Variants in IL1RAPL1 observed in about 807,000 individuals in gnomAD.
The protein encoded by IL1RAPL1 is interleukin-1 receptor accessory protein-like 1.
In IL1RAPL1, 3 loss-of-function variants were observed where a neutral mutation model predicts 48.4. That is an observed-to-expected ratio of 0.06 (90% CI 0.03 to 0.16). IL1RAPL1 has a LOEUF of 0.16. Among genes scored for constraint, IL1RAPL1 ranks in the 10% least tolerant of loss-of-function variants. IL1RAPL1 has a pLI of 1.00. For synonymous variants in IL1RAPL1, 185 were observed against 187.7 expected, an observed-to-expected ratio of 0.99 and a Z score of 0.12; for missense variants, 349 against 530.6, an observed-to-expected ratio of 0.66 and a Z score of 3.36.
At chrX:29,156,899 G>C (rs1032490179) in intron 2 of IL1RAPL1, among the ~76,000 whole-genome samples, 195 of 111,863 alleles carry the variant, frequency 1.7e-3, no homozygotes, top group African/African-American at 5.5e-3. Context: ...GAAGGGTTTT[G>C]ATAGCCTTTT....
intron 2 of IL1RAPL1, among the ~76,000 whole-genome samples, chrX:28,843,839 C>T (rs1411547898): frequency 5.4e-5 from 6 of 110,838 alleles, no homozygotes; most frequent in Admixed American, 1.9e-4. Flanking sequence ...CAGAGCAGTG[C>T]GTTTGTAAGG....
At chrX:29,047,896 T>G (rs1602028897) in intron 2 of IL1RAPL1, among the ~76,000 whole-genome samples, 1 of 110,700 alleles carries the variant, frequency 9.0e-6, no homozygotes, top group Non-Finnish European at 1.9e-5. Flanking sequence ...AATTGGGCAC[T>G]TCCCCCCCTA....
intron 3 of IL1RAPL1, among the ~76,000 whole-genome samples, chrX:29,376,612 A>G (rs1352263928): frequency 9.0e-6 from 1 of 110,811 alleles, no homozygotes. Context: ...GGCTCAAACA[A>G]TCCACCCACT....
intron 5 of IL1RAPL1, among the ~76,000 whole-genome samples, chrX:29,625,598 G>A (rs1924595365): frequency 9.0e-6 from 1 of 111,515 alleles, no homozygotes. Context: ...TTTGCCGGTA[G>A]GACTGGTGCC....
rs865803776 is a variant in IL1RAPL1, at chrX:28,831,048, G to C, written c.82+41623G>C. 9.7e-3 allele frequency among the ~76,000 whole-genome samples: 802 copies of C among 83,080 alleles called. 12 individuals are homozygous for C. The highest frequency in any genetic ancestry group is 0.052 in the East Asian group (100 of 1,913). The allele number at this position is 83,080 out of a possible 115,157, so 72.1% of individuals were successfully genotyped here. ...TCTCTGTGTGTGTGTGTGTGTGTGTGTGTGTGTGTGTGTGTGTGTGTGTGT... is the reference window on the plus strand; with the variant it reads ...TCTCTGTGTGTGTGTGTGTGTGTGTCTGTGTGTGTGTGTGTGTGTGTGTGT... On this transcript the variant is annotated intron_variant, in intron 2 of 10. Transcript: ENST00000378993.
Position 29,449,405 on chromosome X carries a change from G to C in IL1RAPL1, c.703+50097G>C, listed in dbSNP as rs934268959. Among the ~76,000 whole-genome samples, 5 of 110,834 alleles carry C rather than the reference G, an allele frequency of 4.5e-5. No individual in the cohort carries two copies. The East Asian group carries it at 1.1e-3, about 25-fold the overall frequency. ...ATGAGAGAGTGAAGAGGCAGGGAGA[G>C]AGAGCATAAGCAATAATAACAGAAG... is the stretch of plus-strand genomic sequence containing the variant. On this transcript the variant is annotated intron_variant, in intron 5 of 10. Transcript: ENST00000378993.
chrX:29,246,357 A>G (rs1931513971), intron 2 of IL1RAPL1, among the ~76,000 whole-genome samples: 1 of 109,519 alleles, frequency 9.1e-6, no homozygotes, highest in African/African-American at 3.3e-5. Context: ...GGTCACAGTG[A>G]TGAGGTACAG....
chrX:29,423,631 G>A, intron 5 of IL1RAPL1, among the ~76,000 whole-genome samples: 1 of 111,752 alleles, frequency 8.9e-6, no homozygotes, highest in Non-Finnish European at 1.9e-5. Context: ...TCCCTGGTTA[G>A]TTTCAGTCAT....
rs35208878 is a variant in IL1RAPL1, at chrX:29,426,998, TAAAAAA to T, written c.703+27701_703+27706del. On this transcript the variant is annotated intron_variant, in intron 5 of 10. Coordinates refer to ENST00000378993, the MANE Select transcript of IL1RAPL1 (RefSeq NM_014271.4). ...GATAATTGGATTTTAAAAACCTTTT[TAAAAAA>T]AAAAAAAAAAGATTTGCATATTATT... Among the ~76,000 whole-genome samples, 315 of 103,971 alleles carry T rather than the reference TAAAAAA, an allele frequency of 3.0e-3. 1 individual carries two copies. The highest frequency in any genetic ancestry group is 0.01 in the African/African-American group (294 of 29,359). 90.3% of individuals were successfully genotyped at this position (103,971 alleles called of 115,157 possible). A position where few individuals can be genotyped will look rare whatever the true frequency, so the allele number is the denominator to read the frequency against.
At chrX:29,818,236 A>G (rs1474152641) in intron 6 of IL1RAPL1, among the ~76,000 whole-genome samples, 3 of 112,536 alleles carry the variant, frequency 2.7e-5, no homozygotes, top group Non-Finnish European at 1.9e-5. Context: ...GTGGAAAAAA[A>G]TGCAGAGGGC....
chrX:29,484,168 A>G (rs938347468), intron 5 of IL1RAPL1, among the ~76,000 whole-genome samples: 1 of 112,023 alleles, frequency 8.9e-6, no homozygotes, highest in African/African-American at 3.3e-5. Flanking sequence ...ATAACAAAAT[A>G]CCACAGACAG....
In IL1RAPL1 at chrX:28,729,304, T is replaced by C. The variant is rs766790582; in HGVS notation, c.-24-60016T>C. Among the ~76,000 whole-genome samples the C allele has an allele frequency of 3.6e-5, 4 of 111,366 alleles. No individual in the cohort carries two copies. In the East Asian group the frequency reaches 1.1e-3, roughly 32 times the overall value. On this transcript the variant is annotated intron_variant, in intron 1 of 10. Transcript: ENST00000378993. ...GTACAAATTTAATAGCTTTTCTAGGTAGGACTCCAGAATTAGTGCATGAAG... is the reference window on the plus strand; with the variant it reads ...GTACAAATTTAATAGCTTTTCTAGGCAGGACTCCAGAATTAGTGCATGAAG...
chrX:29,229,503 TA>T lies in IL1RAPL1; in HGVS notation c.83-53432del, dbSNP rs773459981. On this transcript the variant is annotated intron_variant, in intron 2 of 10. Transcript: ENST00000378993. Reference sequence around the variant, plus strand: ...TCTATCTCAAATGTATTTCTACCACTAAAGTTGCTATACCACTTTATGGAAA... The same window carrying T: ...TCTATCTCAAATGTATTTCTACCACTAAGTTGCTATACCACTTTATGGAAA... 4.5e-5 allele frequency among the ~76,000 whole-genome samples: 5 copies of T among 112,273 alleles called. No homozygotes were observed. In the East Asian group the frequency reaches 1.4e-3, roughly 31 times the overall value.
At chrX:29,916,424 A>G (rs953374031) in intron 6 of IL1RAPL1, among the ~76,000 whole-genome samples, 1 of 111,638 alleles carries the variant, frequency 9.0e-6, no homozygotes, top group African/African-American at 3.3e-5. Context: ...TTAAGTATCT[A>G]TGGCTACCAC....
At chrX:29,672,307 G>C (rs1411914767) in intron 6 of IL1RAPL1, among the ~76,000 whole-genome samples, 1 of 111,668 alleles carries the variant, frequency 9.0e-6, no homozygotes, top group African/African-American at 3.3e-5. Flanking sequence ...CAGAGAAGTT[G>C]TATAAACTCC....
intron 1 of IL1RAPL1, among the ~76,000 whole-genome samples, chrX:28,787,801 A>G (rs1781493470): frequency 8.9e-6 from 1 of 111,881 alleles, no homozygotes; most frequent in Non-Finnish European, 1.9e-5. Flanking sequence ...ATAAAGTTAT[A>G]GTGATTGAGA....
intron 2 of IL1RAPL1, among the ~76,000 whole-genome samples, chrX:29,087,381 C>T (rs1296236439): frequency 4.5e-5 from 5 of 110,289 alleles, no homozygotes; most frequent in Non-Finnish European, 9.5e-5. Context: ...CGTGATCTGC[C>T]CGCCTCGGCC....
rs185577889 is a variant in IL1RAPL1, at chrX:29,389,144, C to T, written c.363-7114C>T. On this transcript the variant is annotated intron_variant, in intron 3 of 10. Coordinates refer to ENST00000378993, the MANE Select transcript of IL1RAPL1 (RefSeq NM_014271.4). ...GGCCGAGGCAGGTGGATCACGAGGTCAGGAGATCAAGACCAGCCTGGCTAA... is the reference window on the plus strand; with the variant it reads ...GGCCGAGGCAGGTGGATCACGAGGTTAGGAGATCAAGACCAGCCTGGCTAA... Among the ~76,000 whole-genome samples, 462 of 110,224 alleles carry T rather than the reference C, an allele frequency of 4.2e-3. 3 individuals carry two copies. The highest frequency in any genetic ancestry group is 0.012 in the South Asian group (31 of 2,601).
intron 2 of IL1RAPL1, among the ~76,000 whole-genome samples, chrX:29,006,236 G>A (rs1425863991): frequency 2.7e-5 from 3 of 111,037 alleles, no homozygotes; most frequent in Admixed American, 1.9e-4. Context: ...GAGGTGAACT[G>A]GAGAACAGAT....
Sources: gnomAD v4.1 joint callset for allele counts (sites outside exome capture counted in the v4.1 genomes callset) on GRCh38, gnomAD v4.1.1 for gene constraint, MANE v1.5 for transcripts, NCBI Gene and HGNC (gene_info 2026-07-23, HGNC 2026-07-21) for gene names.